Variants in IFT57 observed in about 807,000 individuals in gnomAD.
IFT57 encodes intraflagellar transport protein 57 homolog.
A neutral mutation model predicts 56.8 loss-of-function variants in IFT57; 59 were observed. That is an observed-to-expected ratio of 1.04 (90% CI 0.84 to 1.29). The LOEUF (loss-of-function observed/expected upper bound fraction) is 1.29. Among genes scored for constraint, IFT57 ranks in the 50% most tolerant of loss-of-function variants. The probability of loss-of-function intolerance (pLI) is 0.00; values close to 1 mark genes in which losing one functional copy is unlikely to be tolerated. For synonymous variants in IFT57, 209 were observed against 186.1 expected (o/e 1.12, Z -1.00); for missense variants, 470 against 522.1 (o/e 0.90, Z 0.97).
At chr3:108,183,233 T>C (rs903376412) in intron 6 of IFT57, among the ~76,000 whole-genome samples, 3 of 152,094 alleles carry the variant, frequency 2.0e-5, no homozygotes, top group Non-Finnish European at 4.4e-5. Flanking sequence ...ATAGGATTGA[T>C]GACTTTAGAA....
At chr3:108,209,295 A>G (rs898330923) in intron 4 of IFT57, among the ~76,000 whole-genome samples, 1 of 152,222 alleles carries the variant, frequency 6.6e-6, no homozygotes, top group African/African-American at 2.4e-5. Context: ...AAGTGATATC[A>G]GGGAGAAGAG....
chr3:108,211,401 T>C (rs1194109024), intron 4 of IFT57, among the ~76,000 whole-genome samples: 2 of 152,254 alleles, frequency 1.3e-5, no homozygotes, highest in African/African-American at 2.4e-5. Context: ...CCTAAACTAC[T>C]TTTCATGCCC....
chr3:108,180,607 G>T (rs2080146560), intron 6 of IFT57, among the ~76,000 whole-genome samples: 1 of 151,766 alleles, frequency 6.6e-6, no homozygotes, highest in African/African-American at 2.4e-5. Flanking sequence ...GAAAAACCAA[G>T]AAACATAAAT....
intron 5 of IFT57, among the ~76,000 whole-genome samples, chr3:108,192,316 TA>T (rs2080220411): frequency 6.7e-6 from 1 of 149,856 alleles, no homozygotes. Flanking sequence ...ATTGAAGTGA[TA>T]ATTTATTAGG....
At chr3:108,189,618 C>T (rs1237299776) in intron 6 of IFT57, among the ~76,000 whole-genome samples, 1 of 151,872 alleles carries the variant, frequency 6.6e-6, no homozygotes, top group East Asian at 1.9e-4. Context: ...TCTCTTTAGC[C>T]CCTTTTGTAG....
At chr3:108,219,713 T>G in intron 1 of IFT57, 141 bp from the exon 2 acceptor site, 2 of 829,024 alleles carry the variant, frequency 2.4e-6, no homozygotes, top group East Asian at 2.7e-5. Context: ...TAATTCACCC[T>G]TTGAAGTTTC....
chr3:108,221,709 C>T (rs1037838253), intron 1 of IFT57, among the ~76,000 whole-genome samples: 11 of 52,038 alleles, frequency 2.1e-4, no homozygotes, highest in Admixed American at 1.0e-3. Context: ...AATGGCATTC[C>T]TCTCTGGAGG....
intron 5 of IFT57, among the ~76,000 whole-genome samples, chr3:108,206,011 T>G (rs1282363922): frequency 9.2e-5 from 11 of 119,988 alleles, no homozygotes; most frequent in Non-Finnish European, 1.9e-4. Context: ...ATATATTACT[T>G]ATATATAATA....
At chr3:108,205,617 A>T (rs1409425009) in intron 5 of IFT57, among the ~76,000 whole-genome samples, 3 of 150,930 alleles carry the variant, frequency 2.0e-5, no homozygotes, top group African/African-American at 7.3e-5. Context: ...AATCTTCATG[A>T]TATGAAACCA....
At chr3:108,190,937 C>A (rs1451198474) in intron 6 of IFT57, among the ~76,000 whole-genome samples, 1 of 152,046 alleles carries the variant, frequency 6.6e-6, no homozygotes, top group Non-Finnish European at 1.5e-5. Flanking sequence ...GGATTACAGG[C>A]ACGTGCCACC....
intron 6 of IFT57, among the ~76,000 whole-genome samples, chr3:108,189,985 G>A (rs1277321488): frequency 1.3e-5 from 2 of 152,106 alleles, no homozygotes; most frequent in Non-Finnish European, 2.9e-5. Context: ...TTCATGTGGA[G>A]TAAGAGGAGT....
intron 6 of IFT57, among the ~76,000 whole-genome samples, chr3:108,177,726 A>G (rs1020285005): frequency 3.3e-5 from 5 of 151,836 alleles, no homozygotes; most frequent in African/African-American, 1.2e-4. Flanking sequence ...ACTACAGGAT[A>G]TTTCTAAAAG....
chr3:108,167,292 G>C (rs936732441), intron 7 of IFT57: 1 of 240,954 alleles, frequency 4.2e-6, no homozygotes, highest in Non-Finnish European at 8.0e-6. Flanking sequence ...AGGGAATAAC[G>C]TGAGTTTCCT....
chr3:108,165,038 C>T (rs2080053836), intron 9 of IFT57, among the ~76,000 whole-genome samples: 1 of 152,092 alleles, frequency 6.6e-6, no homozygotes, highest in South Asian at 2.1e-4. Context: ...CAGGATCACA[C>T]ACAAATTATC....
intron 6 of IFT57, among the ~76,000 whole-genome samples, chr3:108,175,896 T>C (rs889423655): frequency 6.6e-6 from 1 of 151,758 alleles, no homozygotes; most frequent in Non-Finnish European, 1.5e-5. Context: ...TCCCGTGTGC[T>C]GGGATGCTTT....
At chr3:108,181,480 T>A (rs984175978) in intron 6 of IFT57, among the ~76,000 whole-genome samples, 4 of 152,088 alleles carry the variant, frequency 2.6e-5, no homozygotes, top group African/African-American at 9.7e-5. Flanking sequence ...AAAGAAAGCT[T>A]GTCTGTAAAA....
chr3:108,180,832 T>A (rs1269762774), intron 6 of IFT57, among the ~76,000 whole-genome samples: 1 of 152,086 alleles, frequency 6.6e-6, no homozygotes, highest in African/African-American at 2.4e-5. Context: ...TCATATTAAG[T>A]AATTTTAAAA....
At chr3:108,220,714 A>AC (rs11464989) in intron 1 of IFT57, among the ~76,000 whole-genome samples, 118,566 of 152,090 alleles carry the variant, frequency 0.78, 47,226 homozygotes, top group Non-Finnish European at 0.86. Context: ...ACTGAAACAG[A>AC]TGCTAGGCCC....
chr3:108,162,699 T>C (rs917368930), intron 10 of IFT57, 44 bp from the exon 11 acceptor site: 2 of 1,454,564 alleles, frequency 1.4e-6, no homozygotes, highest in Admixed American at 4.1e-5. Flanking sequence ...TCATTTGGAG[T>C]ATCAGTGTAT....
Sources: allele counts gnomAD v4.1 joint callset (sites outside exome capture counted in the v4.1 genomes callset), GRCh38; gene constraint gnomAD v4.1.1; transcripts MANE v1.5; gene names NCBI Gene and HGNC (gene_info 2026-07-23, HGNC 2026-07-21).